Variants in C19orf81 observed in about 807,000 individuals in gnomAD.
C19orf81 encodes the protein chromosome 19 open reading frame 81, also known as putative uncharacterized protein C19orf81.
In C19orf81, 19 loss-of-function variants were observed where a neutral mutation model predicts 22.1. The ratio of observed to expected loss-of-function variants is 0.86; its 90% CI spans 0.60 to 1.26. The LOEUF is 1.26. Ranked by LOEUF, C19orf81 falls within the 50% of genes most tolerant of loss-of-function variation. The pLI is 0.00. For missense variants in C19orf81, 287 were observed against 280.7 expected, an observed-to-expected ratio of 1.02 and a Z score of -0.16; for synonymous variants, 108 against 113.1, an observed-to-expected ratio of 0.95 and a Z score of 0.29.
At chr19:50,652,482 G>C (rs1984897616) in intron 1 of C19orf81, among the ~76,000 whole-genome samples, 1 of 152,148 alleles carries the variant, frequency 6.6e-6, no homozygotes, top group African/African-American at 2.4e-5. Flanking sequence ...GGACCCTCAG[G>C]GAGACTTGAT....
Position 50,659,020 on chromosome 19 carries a change from G to C in C19orf81, c.475G>C (p.Ala159Pro). ...LRSGLSPRGL[A>P]HQIVRHDDLL... The stretch of plus-strand genomic sequence containing the variant: ...CTCCGGGCTCAGTCCCCGCGGGCTT[G>C]CGCACCAGATCGTGCGCCACGACGA... The change falls in exon 5 of 5, where the codon GCG (alanine) becomes CCG (proline). Residue 159 changes from alanine (A) to proline (P), a missense_variant. Ala to Pro is a conservative substitution (Grantham distance 27). Coordinates refer to ENST00000425202, the MANE Select transcript of C19orf81 (RefSeq NM_001195076.2). 1 of 1,529,538 alleles carries C rather than the reference G, an allele frequency of 6.5e-7. No homozygotes were observed. Among genetic ancestry groups the C allele is most frequent in the Non-Finnish European group, 8.7e-7 (1 of 1,143,348 alleles). The allele number at this position is 1,529,538 out of a possible 1,614,324, so 94.7% of individuals were successfully genotyped here.
chr19:50,657,717 T>A (rs1985026168), intron 3 of C19orf81, among the ~76,000 whole-genome samples: 1 of 152,244 alleles, frequency 6.6e-6, no homozygotes, highest in Non-Finnish European at 1.5e-5. Context: ...TTCAGCCAAC[T>A]GTTCATTGAC....
At position 50,658,019 on chromosome 19, in the gene C19orf81, C is replaced by G. The variant is rs1331916551; in HGVS notation, c.292C>G (p.Leu98Val). ...GGAGGATTTTACCCACCTGGAGGTG[C>G]TGCAAGCCCTGGAGGCCCAGTTACC... is the stretch of plus-strand genomic sequence containing the variant. ...PEEDFTHLEV[L>V]QALEAQLPGA... The change falls in exon 4 of 5, where the codon CTG becomes GTG. Residue 98 changes from leucine (L) to valine (V), a missense_variant. Coordinates refer to ENST00000425202, the MANE Select transcript of C19orf81 (RefSeq NM_001195076.2). The G allele has an allele frequency of 3.3e-6, 5 of 1,535,434 alleles. No individual in the cohort carries two copies. The highest frequency in any genetic ancestry group is 4.4e-6 in the Non-Finnish European group (5 of 1,146,610).
chr19:50,658,244 A>C, intron 4 of C19orf81, 116 bp downstream of exon 4: 1 of 1,110,258 alleles, frequency 9.0e-7, no homozygotes, highest in Non-Finnish European at 1.2e-6. Flanking sequence ...GAGTGAAAGC[A>C]TGAATGGGCG....
At chr19:50,655,969 A>T in intron 1 of C19orf81, 81 bp from the exon 2 acceptor site, 1 of 1,349,878 alleles carries the variant, frequency 7.4e-7, no homozygotes, top group Non-Finnish European at 1.0e-6. Context: ...TGGCATGGGC[A>T]AGCAATTGGT....
chr19:50,649,453 A>C lies in C19orf81; in HGVS notation c.9A>C (p.Pro3=), dbSNP rs754846165. Reference sequence around the variant, plus strand: ...TCACCCACCTTCCCAGGATGCAGCCAGAGGTGGAGCCCGTGTGCTTCCCTG... The same window carrying C: ...TCACCCACCTTCCCAGGATGCAGCCCGAGGTGGAGCCCGTGTGCTTCCCTG... MQ[P]EVEPVCFPAM... is the part of the protein sequence containing the mutation. The change falls in exon 1 of 5, where the codon CCA becomes CCC. Residue 3 remains proline, a synonymous_variant. Transcript: ENST00000425202. The C allele has an allele frequency of 1.6e-5, 25 of 1,536,086 alleles. 1 individual carries two copies. In the South Asian group the frequency reaches 2.6e-4, roughly 16 times the overall value.
At chr19:50,650,490 A>G (rs950752626) in intron 1 of C19orf81, among the ~76,000 whole-genome samples, 2 of 152,204 alleles carry the variant, frequency 1.3e-5, no homozygotes, top group African/African-American at 4.8e-5. Context: ...CCTGGCCAAC[A>G]TGGTGAAACC....
At position 50,658,042 on chromosome 19, in the gene C19orf81, A is replaced by G; in HGVS notation, c.315A>G (p.Leu105=). 1 of 1,535,980 alleles carries G rather than the reference A, an allele frequency of 6.5e-7. No individual in the cohort carries two copies. Among genetic ancestry groups the G allele is most frequent in the Non-Finnish European group, 8.7e-7 (1 of 1,146,836 alleles). Residue 105 remains leucine, a synonymous_variant, in exon 4 of 5, where the codon TTA becomes TTG. Transcript: ENST00000425202. ...TGCTGCAAGCCCTGGAGGCCCAGTT[A>G]CCAGGGGCCATGGAGAGCGGGCGCG... ...LEVLQALEAQ[L]PGAMESGRVS...
intron 1 of C19orf81, among the ~76,000 whole-genome samples, chr19:50,651,172 G>A (rs1187625149): frequency 2.0e-5 from 3 of 152,090 alleles, no homozygotes; most frequent in Non-Finnish European, 2.9e-5. Flanking sequence ...CGTGAAACAC[G>A]CCATCTCACA....
Position 50,659,213 on chromosome 19 carries a change from G to C in C19orf81, c.*71G>C, listed in dbSNP as rs1287581525. 10 of 1,225,304 alleles carry C rather than the reference G, an allele frequency of 8.2e-6. No homozygotes were observed. The East Asian group carries it at 1.3e-4, about 16-fold the overall frequency. The allele number at this position is 1,225,304 out of a possible 1,614,324, so 75.9% of individuals were successfully genotyped here. A position where few individuals can be genotyped will look rare whatever the true frequency, so the allele number is the denominator to read the frequency against. On this transcript the variant is annotated 3_prime_UTR_variant, in exon 5 of 5. Coordinates refer to ENST00000425202, the MANE Select transcript of C19orf81 (RefSeq NM_001195076.2). The stretch of plus-strand genomic sequence containing the variant: ...GGGGCCACCCACCCGGAGCCCCGGA[G>C]GACAGGGGGCGTTGCCTTCCCAGGA...
At chr19:50,652,616 AG>A (rs1367109219) in intron 1 of C19orf81, among the ~76,000 whole-genome samples, 5 of 152,162 alleles carry the variant, frequency 3.3e-5, no homozygotes. Context: ...GCAGGTGAAA[AG>A]GACGATTGTG....
At position 50,657,923 on chromosome 19, in the gene C19orf81, G is replaced by GGT; in HGVS notation, c.262-64_262-63dup. 3.4e-6 allele frequency: 5 copies of GGT among 1,469,572 alleles called. No individual in the cohort carries two copies. The South Asian group carries it at 6.8e-5, about 20-fold the overall frequency. The allele number at this position is 1,469,572 out of a possible 1,614,324, so 91.0% of individuals were successfully genotyped here. A position where few individuals can be genotyped will look rare whatever the true frequency, so the allele number is the denominator to read the frequency against. Reference sequence around the variant, plus strand: ...AGGTTCTGCAGGTGGGGTCTAGGGTGGTGACTTCTGAACCCAAAATGAACC... The same window carrying GGT: ...AGGTTCTGCAGGTGGGGTCTAGGGTGGTGTGACTTCTGAACCCAAAATGAACC... On this transcript the variant is annotated intron_variant, in intron 3 of 4. Transcript: ENST00000425202.
chr19:50,655,340 T>G (rs1444594237), intron 1 of C19orf81, among the ~76,000 whole-genome samples: 1 of 152,076 alleles, frequency 6.6e-6, no homozygotes, highest in African/African-American at 2.4e-5. Flanking sequence ...GGAGACTGAT[T>G]CTGAGAGTGT....
intron 1 of C19orf81, among the ~76,000 whole-genome samples, chr19:50,652,359 C>G (rs988494093): frequency 1.3e-5 from 2 of 152,086 alleles, no homozygotes; most frequent in African/African-American, 4.8e-5. Flanking sequence ...CCTGCCCTTA[C>G]GTTGCTCAGA....
chr19:50,656,443 C>A, intron 3 of C19orf81, 97 bp downstream of exon 3: 1 of 1,420,478 alleles, frequency 7.0e-7, no homozygotes. Flanking sequence ...TAAATTCAGG[C>A]TTTTGGCTTA....
intron 1 of C19orf81, among the ~76,000 whole-genome samples, chr19:50,653,696 A>G (rs980826409): frequency 1.4e-4 from 17 of 123,992 alleles, no homozygotes; most frequent in African/African-American, 6.4e-4. Flanking sequence ...ACACACACAC[A>G]CACACACACA....
intron 1 of C19orf81, among the ~76,000 whole-genome samples, chr19:50,654,636 CTCTT>C (rs889387026): frequency 2.9e-5 from 4 of 138,904 alleles, no homozygotes; most frequent in African/African-American, 5.3e-5. Flanking sequence ...CCTTCCTTCT[CTCTT>C]TCTGTCTCTC....
intron 1 of C19orf81, 125 bp from the exon 2 acceptor site, chr19:50,655,917 GAGACAGTA>G: frequency 1.1e-5 from 9 of 846,514 alleles, no homozygotes; most frequent in Admixed American, 2.2e-5. Flanking sequence ...TTGGAGCTAA[GAGACAGTA>G]ACTCAACATC....
intron 1 of C19orf81, among the ~76,000 whole-genome samples, chr19:50,650,638 T>A (rs1247862935): frequency 6.6e-6 from 1 of 152,180 alleles, no homozygotes; most frequent in South Asian, 2.1e-4. Context: ...GCCACTGCAC[T>A]CCAGCCTGGG....
Sources: gnomAD v4.1 joint callset for allele counts (sites outside exome capture counted in the v4.1 genomes callset) on GRCh38, gnomAD v4.1.1 for gene constraint, MANE v1.5 for transcripts, NCBI Gene and HGNC (gene_info 2026-07-23, HGNC 2026-07-21) for gene names.